The following ARHGEF37 variants were observed in gnomAD, a reference collection of about 807,000 sequenced individuals.
The protein encoded by ARHGEF37 is Rho guanine nucleotide exchange factor (GEF) 37.
ARHGEF37 carries 55 observed loss-of-function variants against 71.1 expected under a neutral mutation model. The ratio of observed to expected loss-of-function variants is 0.77; its 90% CI spans 0.62 to 0.97. The LOEUF (loss-of-function observed/expected upper bound fraction) is 0.97. Ranked by LOEUF, ARHGEF37 falls within the 50% of genes least tolerant of loss-of-function variation. The pLI is 0.00. For synonymous variants in ARHGEF37, 327 were observed against 350.6 expected (o/e 0.93, Z 0.75); for missense variants, 765 against 836.8 (o/e 0.91, Z 1.06).
At chr5:149,609,466 G>T in intron 3 of ARHGEF37, 82 bp from the exon 4 acceptor site, 1 of 1,506,268 alleles carries the variant, frequency 6.6e-7, no homozygotes, top group Non-Finnish European at 9.2e-7. Context: ...AGCTGGAGGG[G>T]TTTACTTACT....
chr5:149,562,041 G>A (rs1416723868), intron 1 of ARHGEF37, among the ~76,000 whole-genome samples: 1 of 152,124 alleles, frequency 6.6e-6, no homozygotes, highest in Non-Finnish European at 1.5e-5. Context: ...GAGGAGAGCT[G>A]GTCCTAAGAA....
At chr5:149,585,710 GA>G (rs1339461073) in intron 1 of ARHGEF37, among the ~76,000 whole-genome samples, 2 of 152,114 alleles carry the variant, frequency 1.3e-5, no homozygotes. Flanking sequence ...GTAGAGACAG[GA>G]TTTCATCATG....
chr5:149,564,405 G>T (rs1762873772), intron 1 of ARHGEF37, among the ~76,000 whole-genome samples: 1 of 152,056 alleles, frequency 6.6e-6, no homozygotes, highest in Non-Finnish European at 1.5e-5. Context: ...TCTTGTACTT[G>T]AACTCAAATT....
At chr5:149,583,218 C>A (rs1391946549) in intron 1 of ARHGEF37, among the ~76,000 whole-genome samples, 2 of 152,240 alleles carry the variant, frequency 1.3e-5, no homozygotes, top group African/African-American at 2.4e-5. Flanking sequence ...TTCACTGCAA[C>A]CTCCGCCTCC....
chr5:149,606,283 C>T (rs181782911), intron 3 of ARHGEF37, among the ~76,000 whole-genome samples: 36 of 152,218 alleles, frequency 2.4e-4, no homozygotes, highest in African/African-American at 7.5e-4. Flanking sequence ...GCTGCAGTTT[C>T]GGGTGGTCAT....
Position 149,609,555 on chromosome 5 carries a change from A to T in ARHGEF37, c.318A>T (p.Ile106=), listed in dbSNP as rs772133873. The change falls in exon 4 of 13, where the codon ATA becomes ATT. Residue 106 remains isoleucine, a synonymous_variant. Transcript: ENST00000333677. ...TTGCGTCTTCACTCTCAGGTAACAT[A>T]TTTCTGGAATTCCAAGAGGAGTTGG... ...EEEQVQLVGN[I]FLEFQEELEQ... is the part of the protein sequence containing the mutation. 1.2e-6 allele frequency: 2 copies of T among 1,613,918 alleles called. No individual in the cohort carries two copies. Among genetic ancestry groups the T allele is most frequent in the South Asian group, 2.2e-5 (2 of 91,064 alleles).
At chr5:149,620,507 G>T (rs745778865) in intron 8 of ARHGEF37, 43 bp downstream of exon 8, 1 of 1,472,710 alleles carries the variant, frequency 6.8e-7, no homozygotes, top group South Asian at 1.2e-5. Flanking sequence ...TTAGGCAGGT[G>T]GTAGAGCTTA....
In ARHGEF37 at chr5:149,601,151, A is replaced by G. The variant is rs199755021; in HGVS notation, c.230A>G (p.Asp77Gly). 67 of 1,613,224 alleles carry G rather than the reference A, an allele frequency of 4.2e-5. No homozygotes were observed. In the African/African-American group the frequency reaches 8.3e-4, roughly 20 times the overall value. The change falls in exon 3 of 13, where the codon GAT (aspartate) becomes GGT (glycine). Residue 77 changes from aspartate (D) to glycine (G), a missense_variant. By Grantham distance (94) the Asp-to-Gly change is moderately conservative. Transcript: ENST00000333677. ...DLDVLFSNIDDIIKVNSRFLH... is the reference protein window; with the variant it reads ...DLDVLFSNIDGIIKVNSRFLH... ...GATGTCCTGTTCTCAAACATTGATG[A>G]TATCATCAAAGTGAACAGCAGATTC...
chr5:149,585,447 C>T (rs187429075), intron 1 of ARHGEF37, among the ~76,000 whole-genome samples: 32 of 152,252 alleles, frequency 2.1e-4, no homozygotes, highest in African/African-American at 5.8e-4. Flanking sequence ...TGCTTCCATA[C>T]GAATGGATCT....
At chr5:149,554,058 C>T (rs1008521201) in intron 1 of ARHGEF37, among the ~76,000 whole-genome samples, 1 of 152,164 alleles carries the variant, frequency 6.6e-6, no homozygotes, top group African/African-American at 2.4e-5. Context: ...ATCCCAGCTA[C>T]TTGGGAGGCT....
At chr5:149,598,527 G>C (rs1177007463) in intron 2 of ARHGEF37, among the ~76,000 whole-genome samples, 1 of 147,532 alleles carries the variant, frequency 6.8e-6, no homozygotes, top group Non-Finnish European at 1.5e-5. Flanking sequence ...CCCCTTCAAG[G>C]GTCTCTTTAT....
chr5:149,623,195 C>G (rs1752591476), intron 9 of ARHGEF37, among the ~76,000 whole-genome samples: 2 of 152,154 alleles, frequency 1.3e-5, no homozygotes, highest in South Asian at 4.1e-4. Flanking sequence ...CTCAGAGCTC[C>G]CCATCTCCTG....
At chr5:149,583,007 C>T (rs891450642) in intron 1 of ARHGEF37, among the ~76,000 whole-genome samples, 4 of 152,226 alleles carry the variant, frequency 2.6e-5, no homozygotes, top group Non-Finnish European at 5.9e-5. Flanking sequence ...CAGCAAGGTA[C>T]TACCCTCAAT....
At chr5:149,584,017 C>T (rs28444959) in intron 1 of ARHGEF37, among the ~76,000 whole-genome samples, 37,210 of 152,050 alleles carry the variant, frequency 0.24, 5,203 homozygotes, top group African/African-American at 0.37. Context: ...ACCTCAGCCT[C>T]CCAAAGTGCT....
At chr5:149,628,563 C>T (rs563980861) in intron 11 of ARHGEF37, among the ~76,000 whole-genome samples, 8 of 152,314 alleles carry the variant, frequency 5.3e-5, no homozygotes, top group African/African-American at 1.9e-4. Flanking sequence ...CTTTTAGTCT[C>T]TATCATAGCT....
chr5:149,628,109 C>A (rs9885369), intron 11 of ARHGEF37, among the ~76,000 whole-genome samples: 42,581 of 151,938 alleles, frequency 0.28, 6,302 homozygotes, highest in Middle Eastern at 0.4. Flanking sequence ...AGGTGGGAAC[C>A]ACAGAACGGG....
At chr5:149,588,138 C>T (rs1763293339) in intron 1 of ARHGEF37, among the ~76,000 whole-genome samples, 2 of 152,040 alleles carry the variant, frequency 1.3e-5, no homozygotes, top group Admixed American at 1.3e-4. Context: ...ACCCCGTGAT[C>T]TGCCCGCCTT....
At chr5:149,574,919 C>T (rs1036587660) in intron 1 of ARHGEF37, among the ~76,000 whole-genome samples, 6 of 152,206 alleles carry the variant, frequency 3.9e-5, no homozygotes, top group Non-Finnish European at 8.8e-5. Context: ...ACTACAACTT[C>T]CTAAATGATT....
At chr5:149,570,435 G>C (rs527814527) in intron 1 of ARHGEF37, among the ~76,000 whole-genome samples, 1 of 151,806 alleles carries the variant, frequency 6.6e-6, no homozygotes, top group East Asian at 1.9e-4. Flanking sequence ...AATTAGATGG[G>C]CATGGTGGTG....
Sources: gnomAD v4.1 joint callset for allele counts (sites outside exome capture counted in the v4.1 genomes callset) on GRCh38, gnomAD v4.1.1 for gene constraint, MANE v1.5 for transcripts, NCBI Gene and HGNC (gene_info 2026-07-23, HGNC 2026-07-21) for gene names.